NRG2: variants seen among roughly 807,000 people sequenced by gnomAD.
NRG2 encodes neuregulin 2.
A neutral mutation model predicts 73.9 loss-of-function variants in NRG2; 27 were observed. The observed-to-expected ratio is 0.37, with a 90% CI of 0.27 to 0.50. The LOEUF (loss-of-function observed/expected upper bound fraction) is 0.50. Ranked by LOEUF, NRG2 falls within the 20% of genes least tolerant of loss-of-function variation. The pLI is 0.96. For missense variants in NRG2, 1,126 were observed against 1,210.1 expected, an observed-to-expected ratio of 0.93 and a Z score of 1.03; for synonymous variants, 532 against 541.0, an observed-to-expected ratio of 0.98 and a Z score of 0.23.
Position 140,043,175 on chromosome 5 carries a change from G to T in NRG2, c.-106C>A. 1 of 1,321,716 alleles carries T rather than the reference G, an allele frequency of 7.6e-7. No individual in the cohort carries two copies. Among genetic ancestry groups the T allele is most frequent in the Admixed American group, 2.6e-5 (1 of 38,612 alleles). 81.9% of individuals were successfully genotyped at this position (1,321,716 alleles called of 1,614,324 possible). On this transcript the variant is annotated 5_prime_UTR_variant, in exon 1 of 10. Coordinates refer to ENST00000361474, the MANE Select transcript of NRG2 (RefSeq NM_004883.3). The surrounding 1 kb of genome is among the most constrained non-coding windows in gnomAD (Gnocchi z 6.7). ...AACAGCGTAACGTTAGCGCCTCTTA[G>T]CCCTCCACCGGCAGCCCGGGGAGGT...
chr5:139,880,210 C>T (rs1240048745), intron 3 of NRG2, among the ~76,000 whole-genome samples: 1 of 152,114 alleles, frequency 6.6e-6, no homozygotes, highest in African/African-American at 2.4e-5. Context: ...GGCAATCTCC[C>T]AGTCAAGGGA....
intron 1 of NRG2, among the ~76,000 whole-genome samples, chr5:139,905,895 T>C (rs575034119): frequency 6.8e-6 from 1 of 147,642 alleles, no homozygotes; most frequent in African/African-American, 2.5e-5. Flanking sequence ...TCCTCAGCCT[T>C]TGGGGTACTG....
rs900892474 is a variant in NRG2 at position 139,870,193 on chromosome 5, G to A, written c.1112+1528C>T. Among the ~76,000 whole-genome samples the A allele has an allele frequency of 2.6e-5, 4 of 152,122 alleles. No homozygotes were observed. Among genetic ancestry groups the A allele is most frequent in the Non-Finnish European group, 4.4e-5 (3 of 68,034 alleles). ...TCTGAGCAAGTTTCACAGCTAGAAT[G>A]TTCCCTAGGGTCTGTCATACTAACA... On this transcript the variant is annotated intron_variant, in intron 4 of 9. Transcript: ENST00000361474. This position sits in a 1 kb window ranked among gnomAD's most constrained non-coding sequence, Gnocchi z 4.4.
At position 139,848,700 on chromosome 5, in the gene NRG2, G is replaced by T; in HGVS notation, c.1773-3C>A. On this transcript the variant is annotated splice_region_variant and splice_polypyrimidine_tract_variant and intron_variant, in intron 9 of 9. Coordinates refer to ENST00000361474, the MANE Select transcript of NRG2 (RefSeq NM_004883.3). ...GCGTGGTCAGGGCCGACACGTACCT[G>T]CGGGGAGAGGCAGAGGCATGGGCCA... is the stretch of plus-strand genomic sequence containing the variant. 6.6e-7 allele frequency: 1 copy of T among 1,517,212 alleles called. No homozygotes were observed. Among genetic ancestry groups the T allele is most frequent in the Admixed American group, 2.0e-5 (1 of 49,706 alleles). 94.0% of individuals were successfully genotyped at this position (1,517,212 alleles called of 1,614,324 possible).
chr5:139,964,193 G>T (rs1561713129), intron 1 of NRG2, among the ~76,000 whole-genome samples: 3 of 152,158 alleles, frequency 2.0e-5, no homozygotes. Flanking sequence ...TTGATGGGAA[G>T]AAAAGCAGAT....
intron 1 of NRG2, among the ~76,000 whole-genome samples, chr5:139,895,995 T>A (rs1764520622): frequency 6.6e-6 from 1 of 152,152 alleles, no homozygotes; most frequent in Non-Finnish European, 1.5e-5. Context: ...CCCCATCCTC[T>A]TTGGGGTGGG....
intron 1 of NRG2, among the ~76,000 whole-genome samples, chr5:139,994,653 A>T (rs1449514278): frequency 6.6e-6 from 1 of 152,200 alleles, no homozygotes; most frequent in Non-Finnish European, 1.5e-5. Context: ...CTTCACTATC[A>T]CTTTTTTTAA....
At chr5:139,938,380 A>G (rs1050762872) in intron 1 of NRG2, among the ~76,000 whole-genome samples, 9 of 151,618 alleles carry the variant, frequency 5.9e-5, no homozygotes, top group Non-Finnish European at 4.4e-5. Flanking sequence ...TTTTTGAGAC[A>G]GGGTCTTGTT....
rs990214351 is a variant in NRG2 at position 139,989,458 on chromosome 5, A to T, written c.700+52912T>A. On this transcript the variant is annotated intron_variant, in intron 1 of 9. Transcript: ENST00000361474. Reference sequence around the variant, plus strand: ...GCCCCTACCCATGCCATGTCCTAACACCTCCCATGCCAGGCAGCCATCAAC... The same window carrying T: ...GCCCCTACCCATGCCATGTCCTAACTCCTCCCATGCCAGGCAGCCATCAAC... 4.0e-5 allele frequency among the ~76,000 whole-genome samples: 6 copies of T among 151,290 alleles called. No homozygotes were observed. In the East Asian group the frequency reaches 9.7e-4, roughly 24 times the overall value.
At chr5:140,032,593 A>G (rs78554532) in intron 1 of NRG2, among the ~76,000 whole-genome samples, 4,290 of 152,326 alleles carry the variant, frequency 0.028, 205 homozygotes, top group African/African-American at 0.088. Flanking sequence ...CTCCCTTTTT[A>G]CTTGGCAATA....
chr5:139,878,392 T>C (rs1433042683), intron 3 of NRG2, among the ~76,000 whole-genome samples: 1 of 152,194 alleles, frequency 6.6e-6, no homozygotes, highest in African/African-American at 2.4e-5. Context: ...GCCATCTCTT[T>C]TCTCCGGGTG....
chr5:139,906,227 C>T (rs1012333687), intron 1 of NRG2, among the ~76,000 whole-genome samples: 41 of 152,194 alleles, frequency 2.7e-4, no homozygotes, highest in East Asian at 3.9e-4. Flanking sequence ...AGGCTGGTCT[C>T]GAACTCCTGA....
intron 1 of NRG2, among the ~76,000 whole-genome samples, chr5:139,976,973 A>G (rs1039976982): frequency 4.6e-5 from 7 of 152,194 alleles, no homozygotes; most frequent in Non-Finnish European, 4.4e-5. Flanking sequence ...TTTCCTCTTC[A>G]GTAAAATATA....
intron 5 of NRG2, among the ~76,000 whole-genome samples, chr5:139,859,486 AAC>A: frequency 6.6e-6 from 1 of 152,302 alleles, no homozygotes; most frequent in South Asian, 2.1e-4. Flanking sequence ...CAACTCTCCA[AAC>A]CAGGCTTCTG....
intron 4 of NRG2, among the ~76,000 whole-genome samples, chr5:139,867,423 G>A (rs1762533090): frequency 6.6e-6 from 1 of 152,118 alleles, no homozygotes; most frequent in South Asian, 2.1e-4. Context: ...GAACAGGGTG[G>A]TTTGGAGGAG....
At chr5:139,873,782 C>A (rs1251447516) in intron 3 of NRG2, among the ~76,000 whole-genome samples, 1 of 152,230 alleles carries the variant, frequency 6.6e-6, no homozygotes, top group Non-Finnish European at 1.5e-5. Flanking sequence ...CAGTGGACAG[C>A]AGGGAGGATG....
rs1761791983 is a variant in NRG2, at chr5:139,856,098, C to T, written c.1190-320G>A. ...GGGAAGGGATGGAGTGGAGGCAAAG[C>T]TCCCGAGGCTGTAGAGCAGGGGAGG... is the stretch of plus-strand genomic sequence containing the variant. On this transcript the variant is annotated intron_variant, in intron 5 of 9. Transcript: ENST00000361474. This position sits in a 1 kb window ranked among gnomAD's most constrained non-coding sequence, Gnocchi z 4.2. The T allele has an allele frequency of 5.5e-6, 2 of 363,562 alleles. No individual in the cohort carries two copies. The highest frequency in any genetic ancestry group is 3.9e-5 in the South Asian group (1 of 25,736). The allele number at this position is 363,562 out of a possible 1,614,324, so 22.5% of individuals were successfully genotyped here.
intron 1 of NRG2, among the ~76,000 whole-genome samples, chr5:140,018,338 G>A (rs1180554224): frequency 6.6e-6 from 1 of 152,086 alleles, no homozygotes; most frequent in African/African-American, 2.4e-5. Context: ...TAGAAGAGAG[G>A]TCTCAAAGTG....
Position 139,865,735 on chromosome 5 carries a change from TG to T in NRG2, c.1113-111del, listed in dbSNP as rs1762433896. The T allele has an allele frequency of 2.4e-6, 2 of 818,870 alleles. No individual in the cohort carries two copies. Among genetic ancestry groups the T allele is most frequent in the Non-Finnish European group, 3.9e-6 (2 of 517,546 alleles). 50.7% of individuals were successfully genotyped at this position (818,870 alleles called of 1,614,324 possible). ...AATGAGAAAAACCAAGTCAGGCACT[TG>T]GGGTCATACTTGTAGCTGAAGGGAC... On this transcript the variant is annotated intron_variant, in intron 4 of 9. Coordinates refer to ENST00000361474, the MANE Select transcript of NRG2 (RefSeq NM_004883.3). The surrounding 1 kb of genome is among the most constrained non-coding windows in gnomAD (Gnocchi z 5.2).
Sources: gnomAD v4.1 joint callset for allele counts (sites outside exome capture counted in the v4.1 genomes callset) on GRCh38, gnomAD v4.1.1 for gene constraint, Gnocchi (gnomAD v3.1) non-coding constraint, MANE v1.5 for transcripts, NCBI Gene and HGNC (gene_info 2026-07-23, HGNC 2026-07-21) for gene names.